Variants in SUSD6 observed in about 807,000 individuals in gnomAD.
SUSD6 encodes sushi domain containing 6.
A neutral mutation model predicts 28.4 loss-of-function variants in SUSD6; 16 were observed. The ratio of observed to expected loss-of-function variants is 0.56; its 90% CI spans 0.38 to 0.86. The LOEUF (loss-of-function observed/expected upper bound fraction) is 0.86. Among genes scored for constraint, SUSD6 ranks in the 40% least tolerant of loss-of-function variants. The pLI is 0.00. For missense variants in SUSD6, 341 were observed against 384.2 expected, an observed-to-expected ratio of 0.89 and a Z score of 0.94; for synonymous variants, 147 against 159.6, an observed-to-expected ratio of 0.92 and a Z score of 0.59.
chr14:69,659,031 G>A (rs1441568962), intron 2 of SUSD6, among the ~76,000 whole-genome samples: 1 of 152,138 alleles, frequency 6.6e-6, no homozygotes, highest in Non-Finnish European at 1.5e-5. Flanking sequence ...GAATCAGACT[G>A]CCTGTGTTCA....
At chr14:69,661,286 C>T (rs921060501) in intron 2 of SUSD6, among the ~76,000 whole-genome samples, 1 of 152,206 alleles carries the variant, frequency 6.6e-6, no homozygotes, top group African/African-American at 2.4e-5. Flanking sequence ...CCATTCCCCA[C>T]CTCATTTTCC....
intron 1 of SUSD6, among the ~76,000 whole-genome samples, chr14:69,623,554 C>T (rs565827999): frequency 6.6e-6 from 1 of 152,254 alleles, no homozygotes; most frequent in South Asian, 2.1e-4. Context: ...TGTACTCCTT[C>T]TACTTAGGAA....
At chr14:69,657,986 CTG>C (rs1885608926) in intron 1 of SUSD6, among the ~76,000 whole-genome samples, 1 of 152,234 alleles carries the variant, frequency 6.6e-6, no homozygotes, top group South Asian at 2.1e-4. Flanking sequence ...AGATTCACGG[CTG>C]TCGAGTCAGG....
chr14:69,612,057 G>A (rs1230072769), intron 1 of SUSD6, among the ~76,000 whole-genome samples: 1 of 150,320 alleles, frequency 6.7e-6, no homozygotes, highest in African/African-American at 2.4e-5. Flanking sequence ...CAGCCGGCCA[G>A]CAGTGGGGGC....
At chr14:69,686,440 C>T (rs1434347906) in intron 2 of SUSD6, among the ~76,000 whole-genome samples, 1 of 152,118 alleles carries the variant, frequency 6.6e-6, no homozygotes, top group Admixed American at 6.6e-5. Context: ...AAAACAAAGC[C>T]CTTTTTGTAA....
chr14:69,688,762 C>G (rs1886111693), intron 2 of SUSD6, among the ~76,000 whole-genome samples: 1 of 152,192 alleles, frequency 6.6e-6, no homozygotes, highest in African/African-American at 2.4e-5. Context: ...GGGATGTAGG[C>G]AGACTTATAT....
rs1298334778 is a variant in SUSD6 at position 69,712,000 on chromosome 14, C to T, written c.*1021C>T. On this transcript the variant is annotated 3_prime_UTR_variant, in exon 6 of 6. Transcript: ENST00000342745. ...TCACTGGCAGTCTGGGCAGGTTGCC[C>T]CTTTCTGGGTTTGTGGTGACGGAGG... The T allele has an allele frequency of 6.6e-6, 1 of 152,316 alleles. No homozygotes were observed. Among genetic ancestry groups the T allele is most frequent in the Non-Finnish European group, 1.5e-5 (1 of 68,148 alleles). The allele number at this position is 152,316 out of a possible 1,614,324, so 9.4% of individuals were successfully genotyped here.
intron 1 of SUSD6, among the ~76,000 whole-genome samples, chr14:69,642,753 A>G (rs914806701): frequency 2.6e-5 from 4 of 151,088 alleles, no homozygotes; most frequent in African/African-American, 9.7e-5. Flanking sequence ...CAGAGCATGA[A>G]CTATTTCTGA....
chr14:69,686,793 C>T (rs1886080164), intron 2 of SUSD6, among the ~76,000 whole-genome samples: 1 of 152,146 alleles, frequency 6.6e-6, no homozygotes, highest in South Asian at 2.1e-4. Context: ...CACCAGGTTC[C>T]TCCCACAACA....
chr14:69,639,111 G>A (rs979820350), intron 1 of SUSD6, among the ~76,000 whole-genome samples: 2 of 152,056 alleles, frequency 1.3e-5, no homozygotes, highest in South Asian at 4.1e-4. Context: ...GGATCACAAG[G>A]TCAGGAGATT....
intron 1 of SUSD6, among the ~76,000 whole-genome samples, chr14:69,647,551 A>G (rs1033532217): frequency 2.0e-5 from 3 of 152,080 alleles, no homozygotes; most frequent in Non-Finnish European, 2.9e-5. Context: ...TCACTAATGG[A>G]TGTCCTAATT....
chr14:69,684,444 G>A (rs990123681), intron 2 of SUSD6, among the ~76,000 whole-genome samples: 2 of 152,246 alleles, frequency 1.3e-5, no homozygotes, highest in Non-Finnish European at 2.9e-5. Flanking sequence ...GATTCTATCA[G>A]TGGGGACAAG....
intron 2 of SUSD6, among the ~76,000 whole-genome samples, chr14:69,682,049 T>A (rs1594715965): frequency 1.3e-5 from 2 of 152,174 alleles, no homozygotes; most frequent in East Asian, 3.8e-4. Flanking sequence ...AAATGAAATA[T>A]AGGCCTGGTG....
rs759542673 is a variant in SUSD6 at position 69,703,553 on chromosome 14, T to C, written c.280T>C (p.Trp94Arg). Residue 94 changes from tryptophan (W) to arginine (R), a missense_variant, in exon 3 of 6, where the codon TGG becomes CGG. Coordinates refer to ENST00000342745, the MANE Select transcript of SUSD6 (RefSeq NM_014734.4). ...YKYLTCKNGE[W>R]KPAMEISCRL... is the part of the protein sequence containing the mutation. ...ATACCTGACGTGTAAGAATGGCGAG[T>C]GGAAACCAGCCATGGAGATTAGCTG... The C allele has an allele frequency of 6.2e-7, 1 of 1,614,006 alleles. No homozygotes were observed. Among genetic ancestry groups the C allele is most frequent in the Non-Finnish European group, 8.5e-7 (1 of 1,179,984 alleles).
At chr14:69,642,039 G>T (rs1215563516) in intron 1 of SUSD6, among the ~76,000 whole-genome samples, 1 of 152,108 alleles carries the variant, frequency 6.6e-6, no homozygotes, top group African/African-American at 2.4e-5. Context: ...TTCTTGATCT[G>T]TTTCTGTTGT....
Position 69,658,519 on chromosome 14 carries a change from C to T in SUSD6, c.-74C>T. 1 of 1,514,674 alleles carries T rather than the reference C, an allele frequency of 6.6e-7. No homozygotes were observed. The highest frequency in any genetic ancestry group is 9.1e-7 in the Non-Finnish European group (1 of 1,103,606). The allele number at this position is 1,514,674 out of a possible 1,614,324, so 93.8% of individuals were successfully genotyped here. On this transcript the variant is annotated 5_prime_UTR_variant, in exon 2 of 6. Coordinates refer to ENST00000342745, the MANE Select transcript of SUSD6 (RefSeq NM_014734.4). ...CCTTGTTTGTTTGTTACAGGTGAAT[C>T]AGCTCCCGGCCGACTTTAGGATTCT...
intron 3 of SUSD6, 58 bp from the exon 4 acceptor site, chr14:69,704,546 A>G: frequency 6.5e-7 from 1 of 1,536,946 alleles, no homozygotes; most frequent in South Asian, 1.2e-5. Flanking sequence ...TGTGGGGCCC[A>G]TCAGCTGTTT....
intron 2 of SUSD6, among the ~76,000 whole-genome samples, chr14:69,684,069 G>A (rs1225740070): frequency 1.3e-5 from 2 of 152,200 alleles, no homozygotes; most frequent in African/African-American, 4.8e-5. Context: ...GTAAAGCTTT[G>A]ATCAGGCCCT....
intron 2 of SUSD6, among the ~76,000 whole-genome samples, chr14:69,700,004 CTACCTG>C (rs1465223737): frequency 2.0e-5 from 3 of 152,178 alleles, no homozygotes; most frequent in African/African-American, 7.2e-5. Context: ...GATGGGTTCT[CTACCTG>C]GTGGGCACCA....
Sources: allele counts gnomAD v4.1 joint callset (sites outside exome capture counted in the v4.1 genomes callset), GRCh38; gene constraint gnomAD v4.1.1; transcripts MANE v1.5; gene names NCBI Gene and HGNC (gene_info 2026-07-23, HGNC 2026-07-21).